The following KRTAP10-7 variants were observed in gnomAD, a reference collection of about 807,000 sequenced individuals.
The protein encoded by KRTAP10-7 is keratin-associated protein 10-7.
For synonymous variants in KRTAP10-7, 162 were observed against 199.6 expected (o/e 0.81, Z 1.59); for missense variants, 394 against 474.3 (o/e 0.83, Z 1.57).
At position 44,600,654 on chromosome 21, in the gene KRTAP10-7, C is replaced by T. The variant is rs781946715; in HGVS notation, c.33C>T (p.Ser11=). MAASTMSVCS[S]DLSYGSRVCL... Reference sequence around the variant, plus strand: ...CGTCCACTATGTCTGTCTGCTCCAGCGACCTGAGCTACGGCAGCCGCGTCT... The same window carrying T: ...CGTCCACTATGTCTGTCTGCTCCAGTGACCTGAGCTACGGCAGCCGCGTCT... Residue 11 remains serine, a synonymous_variant, in exon 1 of 1, where the codon AGC becomes AGT. Transcript: ENST00000609664. 40 of 1,613,582 alleles carry T rather than the reference C, an allele frequency of 2.5e-5. No homozygotes were observed. The highest frequency in any genetic ancestry group is 3.1e-5 in the Non-Finnish European group (36 of 1,179,838).
Position 44,601,575 on chromosome 21 carries a change from GCCCGCCTGCTGCGTGCCCGTC to G in KRTAP10-7, c.958_978del (p.Ala320_Pro326del), listed in dbSNP as rs782018927. The G allele has an allele frequency of 4.3e-6, 7 of 1,613,226 alleles. No homozygotes were observed. On this transcript the variant is annotated inframe_deletion, in exon 1 of 1. Coordinates refer to ENST00000609664, the MANE Select transcript of KRTAP10-7 (RefSeq NM_198689.3). ...CCCTCCTCTGCCGCCCCGTGTGCAG[GCCCGCCTGCTGCGTGCCCGTC>G]CCCTCCTGCTGCGCCCCCACCTCCT...
Position 44,601,685 on chromosome 21 carries a change from C to G in KRTAP10-7, c.1064C>G (p.Ser355Cys), listed in dbSNP as rs138554312. Reference protein sequence around the residue: ...CVSLLCRPACSRPACCGPTST... With the variant: ...CVSLLCRPACCRPACCGPTST... The stretch of plus-strand genomic sequence containing the variant: ...TCTCTCCTTTGCCGCCCCGCATGCT[C>G]CCGCCCGGCCTGCTGTGGCCCCACC... The change falls in exon 1 of 1, where the codon TCC becomes TGC. Residue 355 changes from serine (S) to cysteine (C), a missense_variant. Ser to Cys is a moderately radical substitution (Grantham distance 112, BLOSUM62 -1). Transcript: ENST00000609664. 8,671 of 1,612,552 alleles carry G rather than the reference C, an allele frequency of 5.4e-3. 43 individuals carry two copies. The highest frequency in any genetic ancestry group is 6.1e-3 in the Middle Eastern group (37 of 6,052).
Position 44,601,733 on chromosome 21 carries a change from G to C in KRTAP10-7, c.1112G>C (p.Ter371SerextTer10). 1.2e-6 allele frequency: 2 copies of C among 1,609,446 alleles called. No individual in the cohort carries two copies. The highest frequency in any genetic ancestry group is 1.7e-6 in the Non-Finnish European group (2 of 1,177,396). Residue 371 changes from the stop codon to serine, a stop_lost, in exon 1 of 1, where the codon TGA becomes TCA. Coordinates refer to ENST00000609664, the MANE Select transcript of KRTAP10-7 (RefSeq NM_198689.3). ...GPTSTQKSSC[*>S] Reference sequence around the variant, plus strand: ...ACCTCAACCCAGAAGTCCAGCTGCTGAGTGATCTCCTTAAGATCATCCAAA... The same window carrying C: ...ACCTCAACCCAGAAGTCCAGCTGCTCAGTGATCTCCTTAAGATCATCCAAA...
In KRTAP10-7 at chr21:44,600,711, C is replaced by T; in HGVS notation, c.90C>T (p.Asp30=). The T allele has an allele frequency of 1.2e-6, 2 of 1,613,306 alleles. No individual in the cohort carries two copies. The highest frequency in any genetic ancestry group is 1.3e-5 in the African/African-American group (1 of 74,482). Residue 30 remains aspartate (D), a synonymous_variant, in exon 1 of 1, where the codon GAC becomes GAT. Transcript: ENST00000609664. Reference sequence around the variant, plus strand: ...CTGGTTCCTGTGACTCTTGCTCCGACTCCTGGCAGGTGGACGACTGCCCAG... The same window carrying T: ...CTGGTTCCTGTGACTCTTGCTCCGATTCCTGGCAGGTGGACGACTGCCCAG... ...CLPGSCDSCS[D]SWQVDDCPES... is the part of the protein sequence containing the mutation.
Position 44,601,268 on chromosome 21 carries a change from C to A in KRTAP10-7, c.647C>A (p.Pro216Gln), listed in dbSNP as rs587759229. 1 of 1,605,120 alleles carries A rather than the reference C, an allele frequency of 6.2e-7. No individual in the cohort carries two copies. Among genetic ancestry groups the A allele is most frequent in the Admixed American group, 1.7e-5 (1 of 59,374 alleles). Residue 216 changes from proline to glutamine, a missense_variant, in exon 1 of 1, where the codon CCG (proline) becomes CAG (glutamine). By Grantham distance (76) the Pro-to-Gln change is moderately conservative. Coordinates refer to ENST00000609664, the MANE Select transcript of KRTAP10-7 (RefSeq NM_198689.3). ...TGCTGCCAGCAGTCTAGCTGCAAGC[C>A]GGCTTGCTGCACCTCCTCCCCTTGC... ...PSCCQQSSCK[P>Q]ACCTSSPCQQ...
In KRTAP10-7 at chr21:44,602,110, T is replaced by G; in HGVS notation, c.*376T>G. The G allele has an allele frequency of 2.8e-6, 1 of 359,278 alleles. No individual in the cohort carries two copies. The highest frequency in any genetic ancestry group is 5.3e-6 in the Non-Finnish European group (1 of 187,258). The allele number at this position is 359,278 out of a possible 1,614,324, so 22.3% of individuals were successfully genotyped here. On this transcript the variant is annotated 3_prime_UTR_variant, in exon 1 of 1. Transcript: ENST00000609664. ...CCCCTGCTGTGGGCCTGGGCCTCTT[T>G]CTCTGTCTTCCCTGACCACGGGAGC... is the stretch of plus-strand genomic sequence containing the variant.
At position 44,602,008 on chromosome 21, in the gene KRTAP10-7, G is replaced by A. The variant is rs1980968625; in HGVS notation, c.*274G>A. 2 of 576,308 alleles carry A rather than the reference G, an allele frequency of 3.5e-6. No homozygotes were observed. The highest frequency in any genetic ancestry group is 3.8e-5 in the African/African-American group (2 of 52,652). 35.7% of individuals were successfully genotyped at this position (576,308 alleles called of 1,614,324 possible). On this transcript the variant is annotated 3_prime_UTR_variant, in exon 1 of 1. Coordinates refer to ENST00000609664, the MANE Select transcript of KRTAP10-7 (RefSeq NM_198689.3). The stretch of plus-strand genomic sequence containing the variant: ...GGGTGCTCCCAGGCCATAGCCCGGT[G>A]TGGGGAGAAATGAGGGTAGACAGGT...
rs1980957963 is a variant in KRTAP10-7, at chr21:44,601,876, TCTC to T, written c.*148_*150del. On this transcript the variant is annotated 3_prime_UTR_variant, in exon 1 of 1. Transcript: ENST00000609664. ...GTCAGCTGGCCATCCAGTGTGCGCT[TCTC>T]CTCCTAGAAGCAGCTCAGCTGTTTC... 1.7e-6 allele frequency: 2 copies of T among 1,172,888 alleles called. No homozygotes were observed. 72.7% of individuals were successfully genotyped at this position (1,172,888 alleles called of 1,614,324 possible). A position where few individuals can be genotyped will look rare whatever the true frequency, so the allele number is the denominator to read the frequency against.
chr21:44,600,742 T>G lies in KRTAP10-7; in HGVS notation c.121T>G (p.Cys41Gly), dbSNP rs1980758714. Residue 41 changes from cysteine to glycine, a missense_variant, in exon 1 of 1, where the codon TGC (cysteine) becomes GGC (glycine). By Grantham distance (159) the Cys-to-Gly change is radical. Coordinates refer to ENST00000609664, the MANE Select transcript of KRTAP10-7 (RefSeq NM_198689.3). ...SWQVDDCPES[C>G]CEPPCCAPAP... Reference sequence around the variant, plus strand: ...GCAGGTGGACGACTGCCCAGAGAGCTGCTGCGAGCCCCCCTGCTGCGCCCC... The same window carrying G: ...GCAGGTGGACGACTGCCCAGAGAGCGGCTGCGAGCCCCCCTGCTGCGCCCC... The G allele has an allele frequency of 6.2e-7, 1 of 1,611,306 alleles. No homozygotes were observed. Among genetic ancestry groups the G allele is most frequent in the East Asian group, 2.2e-5 (1 of 44,778 alleles).
rs587650822 is a variant in KRTAP10-7 at position 44,602,005 on chromosome 21, G to T, written c.*271G>T. The T allele has an allele frequency of 3.5e-6, 2 of 576,732 alleles. No individual in the cohort carries two copies. Among genetic ancestry groups the T allele is most frequent in the Admixed American group, 3.1e-5 (1 of 32,274 alleles). 35.7% of individuals were successfully genotyped at this position (576,732 alleles called of 1,614,324 possible). A position where few individuals can be genotyped will look rare whatever the true frequency, so the allele number is the denominator to read the frequency against. Reference sequence around the variant, plus strand: ...AGCGGGTGCTCCCAGGCCATAGCCCGGTGTGGGGAGAAATGAGGGTAGACA... The same window carrying T: ...AGCGGGTGCTCCCAGGCCATAGCCCTGTGTGGGGAGAAATGAGGGTAGACA... On this transcript the variant is annotated 3_prime_UTR_variant, in exon 1 of 1. Coordinates refer to ENST00000609664, the MANE Select transcript of KRTAP10-7 (RefSeq NM_198689.3).
At position 44,600,805 on chromosome 21, in the gene KRTAP10-7, T is replaced by C. The variant is rs7410162; in HGVS notation, c.184T>C (p.Tyr62His). The change falls in exon 1 of 1, where the codon TAT becomes CAT. Residue 62 changes from tyrosine (Y) to histidine (H), a missense_variant. Physicochemically the swap from Tyr to His is moderately conservative, Grantham distance 83. Coordinates refer to ENST00000609664, the MANE Select transcript of KRTAP10-7 (RefSeq NM_198689.3). ...GAGCCTGGTCTGCACCCCAGTGAGC[T>C]ATGTGTCCAGCCCCTGCTGCCGAGT... Reference protein sequence around the residue: ...CLSLVCTPVSYVSSPCCRVTC... With the variant: ...CLSLVCTPVSHVSSPCCRVTC... 4.5e-3 allele frequency: 7,084 copies of C among 1,580,360 alleles called. 1,274 individuals carry two copies. In the African/African-American group the frequency reaches 0.07, roughly 16 times the overall value.
rs189556050 is a variant in KRTAP10-7, at chr21:44,601,363, G to A, written c.742G>A (p.Gly248Ser). The change falls in exon 1 of 1, where the codon GGT becomes AGT. Residue 248 changes from glycine to serine, a missense_variant. Coordinates refer to ENST00000609664, the MANE Select transcript of KRTAP10-7 (RefSeq NM_198689.3). Reference sequence around the variant, plus strand: ...TGTGCCCACCTGCTCTGATGATTCCGGTTCATGCTGCCAGCCAGCTTGCTG... The same window carrying A: ...TGTGCCCACCTGCTCTGATGATTCCAGTTCATGCTGCCAGCCAGCTTGCTG... Reference protein sequence around the residue: ...CCVPTCSDDSGSCCQPACCTS... With the variant: ...CCVPTCSDDSSSCCQPACCTS... 22 of 1,608,958 alleles carry A rather than the reference G, an allele frequency of 1.4e-5. No individual in the cohort carries two copies. The highest frequency in any genetic ancestry group is 3.3e-4 in the Middle Eastern group (2 of 5,992).
chr21:44,601,437 GCCTGTGT>G, the KRTAP10-7 span: 37 of 1,611,224 alleles, frequency 2.3e-5, no homozygotes, highest in Non-Finnish European at 3.1e-5. Context: ...TCTGCTGTAA[GCCTGTGT>G]GCTGTGTGCC....
chr21:44,601,187 C>G lies in KRTAP10-7; in HGVS notation c.566C>G (p.Ala189Gly). 1.3e-6 allele frequency: 2 copies of G among 1,596,098 alleles called. No individual in the cohort carries two copies. The change falls in exon 1 of 1, where the codon GCG (alanine) becomes GGG (glycine). Residue 189 changes from alanine to glycine, a missense_variant. Ala to Gly is a moderately conservative substitution (Grantham distance 60, BLOSUM62 0). Coordinates refer to ENST00000609664, the MANE Select transcript of KRTAP10-7 (RefSeq NM_198689.3). ...VSCVSSPCCQAVCEPSPCQSG... is the reference protein window; with the variant it reads ...VSCVSSPCCQGVCEPSPCQSG... ...TGTGTGTCCAGTCCCTGCTGCCAGG[C>G]GGTCTGTGAGCCCAGCCCCTGCCAA...
chr21:44,601,501 C>T, the KRTAP10-7 span: 2 of 1,612,450 alleles, frequency 1.2e-6, no homozygotes, highest in Non-Finnish European at 1.7e-6. Flanking sequence ...GTCTAGCTGC[C>T]AGCCGGCTTG....
In KRTAP10-7 at chr21:44,601,121, G is replaced by A. The variant is rs782340038; in HGVS notation, c.500G>A (p.Gly167Glu). 2.5e-6 allele frequency: 4 copies of A among 1,579,384 alleles called. No individual in the cohort carries two copies. Among genetic ancestry groups the A allele is most frequent in the Non-Finnish European group, 3.4e-6 (4 of 1,170,978 alleles). The change falls in exon 1 of 1, where the codon GGG becomes GAG. Residue 167 changes from glycine to glutamate, a missense_variant. Physicochemically the swap from Gly to Glu is moderately conservative, Grantham distance 98. Transcript: ENST00000609664. ...ATCTGCTGCAAGCCTGTCTGCTCTG[G>A]GATTTCCTCTTCGTGCTGCCAGCAG... The part of the protein sequence containing the change: ...VPICCKPVCS[G>E]ISSSCCQQSS...
chr21:44,601,078 C>A lies in KRTAP10-7; in HGVS notation c.457C>A (p.Gln153Lys), dbSNP rs1218386982. ...SACCTSSPCQ[Q>K]ACCVPICCKP... ...TTGCTGCACCTCCTCCCCCTGCCAG[C>A]AGGCCTGCTGTGTGCCCATCTGCTG... Residue 153 changes from glutamine to lysine, a missense_variant, in exon 1 of 1, where the codon CAG becomes AAG. Physicochemically the swap from Gln to Lys is moderately conservative, Grantham distance 53. Transcript: ENST00000609664. 3.1e-6 allele frequency: 5 copies of A among 1,610,026 alleles called. No homozygotes were observed. The African/African-American group carries it at 6.8e-5, about 22-fold the overall frequency.
Position 44,601,673 on chromosome 21 carries a change from G to T in KRTAP10-7, c.1052G>T (p.Arg351Leu), listed in dbSNP as rs782657545. 4 of 1,612,644 alleles carry T rather than the reference G, an allele frequency of 2.5e-6. No homozygotes were observed. Among genetic ancestry groups the T allele is most frequent in the South Asian group, 2.2e-5 (2 of 90,920 alleles). The change falls in exon 1 of 1, where the codon CGC becomes CTC. Residue 351 changes from arginine (R) to leucine (L), a missense_variant. Coordinates refer to ENST00000609664, the MANE Select transcript of KRTAP10-7 (RefSeq NM_198689.3). ...GCCTCCTGTGTGTCTCTCCTTTGCC[G>T]CCCCGCATGCTCCCGCCCGGCCTGC... The part of the protein sequence containing the change: ...RPASCVSLLC[R>L]PACSRPACCG...
At position 44,601,866 on chromosome 21, in the gene KRTAP10-7, A is replaced by C. The variant is rs1555928938; in HGVS notation, c.*132A>C. 2 of 1,253,152 alleles carry C rather than the reference A, an allele frequency of 1.6e-6. No homozygotes were observed. The highest frequency in any genetic ancestry group is 5.6e-5 in the Admixed American group (2 of 35,758). The allele number at this position is 1,253,152 out of a possible 1,614,324, so 77.6% of individuals were successfully genotyped here. Reference sequence around the variant, plus strand: ...GACGTCAGTGGTCAGCTGGCCATCCAGTGTGCGCTTCTCCTCCTAGAAGCA... The same window carrying C: ...GACGTCAGTGGTCAGCTGGCCATCCCGTGTGCGCTTCTCCTCCTAGAAGCA... On this transcript the variant is annotated 3_prime_UTR_variant, in exon 1 of 1. Coordinates refer to ENST00000609664, the MANE Select transcript of KRTAP10-7 (RefSeq NM_198689.3).
Sources: gnomAD v4.1 joint callset for allele counts on GRCh38, gnomAD v4.1.1 for gene constraint, MANE v1.5 for transcripts, NCBI Gene and HGNC (gene_info 2026-07-23, HGNC 2026-07-21) for gene names.